Variants in SLC38A12 observed in about 807,000 individuals in gnomAD.
SLC38A12 encodes the protein solute carrier family 38 member 12, also known as putative sodium-coupled neutral amino acid transporter 12.
At chr17:74,794,947 GAAA>G in the SLC38A12 span, 68 of 1,028,294 alleles carry the variant, frequency 6.6e-5, no homozygotes, top group Non-Finnish European at 5.2e-5. Context: ...AAAAGAAGAA[GAAA>G]AAAAAAAAAA....
At chr17:74,797,164 T>A in the SLC38A12 span, among the ~76,000 whole-genome samples, 1 of 152,210 alleles carries the variant, frequency 6.6e-6, no homozygotes, top group Non-Finnish European at 1.5e-5. Context: ...GCTGCTGCCA[T>A]TTGCCTGATA....
the SLC38A12 span, chr17:74,790,233 G>T: frequency 6.2e-7 from 1 of 1,614,140 alleles, no homozygotes; most frequent in Non-Finnish European, 8.5e-7. Flanking sequence ...CACAGCCTCA[G>T]ACAGCGATGT....
the SLC38A12 span, among the ~76,000 whole-genome samples, chr17:74,829,840 C>G: frequency 3.3e-5 from 5 of 151,990 alleles, no homozygotes; most frequent in African/African-American, 1.2e-4. This position sits in a 1 kb window ranked among gnomAD's most constrained non-coding sequence, Gnocchi z 4.1. Flanking sequence ...CTCTCCAGCC[C>G]CACACAGACC....
At chr17:74,777,611 G>A in the SLC38A12 span, 19 of 1,486,110 alleles carry the variant, frequency 1.3e-5, no homozygotes, top group African/African-American at 1.4e-5. Context: ...AAACAAAATC[G>A]CCATGCTGTT....
the SLC38A12 span, among the ~76,000 whole-genome samples, chr17:74,824,458 CG>C: frequency 6.6e-6 from 1 of 152,228 alleles, no homozygotes; most frequent in African/African-American, 2.4e-5. Flanking sequence ...GCCCCTGCCC[CG>C]CCGCAGGGAG....
At chr17:74,829,601 C>G in the SLC38A12 span, among the ~76,000 whole-genome samples, 1 of 152,336 alleles carries the variant, frequency 6.6e-6, no homozygotes, top group East Asian at 1.9e-4. The surrounding 1 kb of genome is among the most constrained non-coding windows in gnomAD (Gnocchi z 4.1). Flanking sequence ...AGAAGTAGCC[C>G]TTGCTTAATT....
chr17:74,798,441 T>C, the SLC38A12 span, among the ~76,000 whole-genome samples: 1 of 152,240 alleles, frequency 6.6e-6, no homozygotes, highest in Non-Finnish European at 1.5e-5. Flanking sequence ...CCAAAGCCCT[T>C]GACCTTCACC....
the SLC38A12 span, among the ~76,000 whole-genome samples, chr17:74,834,117 C>G: frequency 3.3e-5 from 5 of 152,258 alleles, no homozygotes; most frequent in South Asian, 8.3e-4. Flanking sequence ...GTGCACACCC[C>G]CCTCTACCCA....
At chr17:74,838,875 T>C in the SLC38A12 span, 1 of 1,533,766 alleles carries the variant, frequency 6.5e-7, no homozygotes, top group South Asian at 1.2e-5. Context: ...GCTTGTGGTT[T>C]CCATTTTGCA....
the SLC38A12 span, among the ~76,000 whole-genome samples, chr17:74,815,255 G>A: frequency 3.3e-5 from 5 of 152,170 alleles, no homozygotes; most frequent in African/African-American, 1.2e-4. Context: ...AGGGGCTGCA[G>A]CTTGGGCAGT....
the SLC38A12 span, among the ~76,000 whole-genome samples, chr17:74,784,352 G>A: frequency 0.43 from 64,734 of 151,990 alleles, 15,542 homozygotes; most frequent in Non-Finnish European, 0.55. Context: ...AATAAGGATA[G>A]GAGCCAGAGT....
the SLC38A12 span, chr17:74,836,540 C>T: frequency 1.1e-5 from 17 of 1,613,170 alleles, no homozygotes; most frequent in East Asian, 3.3e-4. This position sits in a 1 kb window ranked among gnomAD's most constrained non-coding sequence, Gnocchi z 4.2. Context: ...GCCGCAGGGA[C>T]ACCCAGCTGG....
chr17:74,779,217 C>T, the SLC38A12 span, among the ~76,000 whole-genome samples: 2 of 152,162 alleles, frequency 1.3e-5, no homozygotes, highest in African/African-American at 2.4e-5. Flanking sequence ...TCTTGTATCT[C>T]CGGTTGTTTA....
the SLC38A12 span, chr17:74,838,080 G>A: frequency 1.0e-6 from 1 of 985,822 alleles, no homozygotes; most frequent in East Asian, 1.1e-4. Context: ...TCAGGGTCAG[G>A]GGTGGGATTT....
chr17:74,779,898 C>G, the SLC38A12 span, among the ~76,000 whole-genome samples: 2 of 152,160 alleles, frequency 1.3e-5, no homozygotes, highest in Non-Finnish European at 2.9e-5. Flanking sequence ...GACGAACCTC[C>G]TAGGTGGCTC....
chr17:74,827,204 G>A, the SLC38A12 span, among the ~76,000 whole-genome samples: 1 of 152,006 alleles, frequency 6.6e-6, no homozygotes, highest in Non-Finnish European at 1.5e-5. This position sits in a 1 kb window ranked among gnomAD's most constrained non-coding sequence, Gnocchi z 4.7. Flanking sequence ...TAGAAGGCAT[G>A]TGCAGCTTCC....
chr17:74,808,589 T>A, the SLC38A12 span, among the ~76,000 whole-genome samples: 1 of 152,064 alleles, frequency 6.6e-6, no homozygotes. Flanking sequence ...ATGACAGACA[T>A]CAGTCTCAGG....
the SLC38A12 span, among the ~76,000 whole-genome samples, chr17:74,828,644 A>G: frequency 6.6e-6 from 1 of 152,172 alleles, no homozygotes; most frequent in South Asian, 2.1e-4. Flanking sequence ...GGCCAGTTCC[A>G]TAGCACCCCA....
the SLC38A12 span, chr17:74,785,440 T>G: frequency 4.4e-6 from 7 of 1,596,386 alleles, no homozygotes; most frequent in African/African-American, 9.4e-5. Context: ...GGGGAGAAGT[T>G]GATTAAGTTC....
Sources: gnomAD v4.1 joint callset for allele counts (sites outside exome capture counted in the v4.1 genomes callset) on GRCh38, gnomAD v4.1.1 for gene constraint, Gnocchi (gnomAD v3.1) non-coding constraint, MANE v1.5 for transcripts, NCBI Gene and HGNC (gene_info 2026-07-23, HGNC 2026-07-21) for gene names.